The following KAZN variants were observed in gnomAD, a reference collection of about 807,000 sequenced individuals.
KAZN encodes kazrin.
A neutral mutation model predicts 87.4 loss-of-function variants in KAZN; 40 were observed. The ratio of observed to expected loss-of-function variants is 0.46; its 90% CI spans 0.36 to 0.60. The LOEUF is 0.60. KAZN is among the 20% of genes least tolerant of loss of function. KAZN has a pLI of 0.00. For missense variants in KAZN, 898 were observed against 1,073.9 expected (o/e 0.84, Z 2.29); for synonymous variants, 466 against 458.3 (o/e 1.02, Z -0.22).
intron 1 of KAZN, among the ~76,000 whole-genome samples, chr1:13,932,291 C>T (rs1490114437): frequency 2.2e-5 from 3 of 135,746 alleles, no homozygotes; most frequent in Non-Finnish European, 4.6e-5. Flanking sequence ...GACGGAGTCT[C>T]GCTCTGTCGC....
chr1:14,459,044 C>T (rs1667715786), intron 2 of KAZN, among the ~76,000 whole-genome samples: 1 of 152,130 alleles, frequency 6.6e-6, no homozygotes, highest in Non-Finnish European at 1.5e-5. Flanking sequence ...CCGTTACTTG[C>T]TTCCTGCCTG....
chr1:14,149,010 C>T (rs1350256918), intron 1 of KAZN, among the ~76,000 whole-genome samples: 3 of 151,306 alleles, frequency 2.0e-5, no homozygotes, highest in Non-Finnish European at 2.9e-5. Context: ...AGGTGGAGAT[C>T]GGAGCCAGTG....
At chr1:14,055,108 T>C (rs1642495430) in intron 1 of KAZN, among the ~76,000 whole-genome samples, 1 of 152,218 alleles carries the variant, frequency 6.6e-6, no homozygotes, top group South Asian at 2.1e-4. Context: ...AGGAGACCTG[T>C]CTTTGGTTAA....
rs537198946 is a variant in KAZN at position 14,500,975 on chromosome 1, G to A, written c.250-98008G>A. Among the ~76,000 whole-genome samples, 4 of 151,872 alleles carry A rather than the reference G, an allele frequency of 2.6e-5. No homozygotes were observed. In the East Asian group the frequency reaches 7.7e-4, roughly 29 times the overall value. ...TTTTAAAAAGTTCCCACAAAGAAAAGCCCAGGCCCAAATGGATTCACTGGT... is the reference window on the plus strand; with the variant it reads ...TTTTAAAAAGTTCCCACAAAGAAAAACCCAGGCCCAAATGGATTCACTGGT... On this transcript the variant is annotated intron_variant, in intron 2 of 16. Transcript: ENST00000636203.
At chr1:14,046,683 A>G (rs4662091) in intron 1 of KAZN, among the ~76,000 whole-genome samples, 120,276 of 152,102 alleles carry the variant, frequency 0.79, 48,048 homozygotes, top group African/African-American at 0.9. Context: ...GGATGGAGGC[A>G]TACAGTGTCC....
chr1:14,874,663 T>A (rs1652559766), intron 1 of KAZN, among the ~76,000 whole-genome samples: 1 of 152,166 alleles, frequency 6.6e-6, no homozygotes, highest in Non-Finnish European at 1.5e-5. Context: ...TCAAAACCAA[T>A]CTCCTTCTCC....
At chr1:14,921,514 A>C (rs1658521477) in intron 1 of KAZN, among the ~76,000 whole-genome samples, 1 of 152,250 alleles carries the variant, frequency 6.6e-6, no homozygotes. Context: ...AACAAACAAA[A>C]AAAAGTAGAA....
chr1:13,912,934 T>A lies in KAZN; in HGVS notation c.91+19178T>A, dbSNP rs139510008. On this transcript the variant is annotated intron_variant, in intron 1 of 16. Transcript: ENST00000636203. ...TATAGTTCATGCAAGATTTACCTGC[T>A]GGCTGTGTAGCATAAATAAACCAAA... is the stretch of plus-strand genomic sequence containing the variant. 5.4e-3 allele frequency among the ~76,000 whole-genome samples: 821 copies of A among 152,304 alleles called. 8 individuals are homozygous for A. Among genetic ancestry groups the A allele is most frequent in the African/African-American group, 0.019 (788 of 41,562 alleles).
intron 1 of KAZN, among the ~76,000 whole-genome samples, chr1:14,724,680 C>T (rs1234919465): frequency 6.6e-6 from 1 of 152,204 alleles, no homozygotes; most frequent in Non-Finnish European, 1.5e-5. Context: ...CTGAAATGTT[C>T]CATTAAAACT....
chr1:14,691,611 C>G (rs1477426247), intron 1 of KAZN, among the ~76,000 whole-genome samples: 1 of 152,116 alleles, frequency 6.6e-6, no homozygotes, highest in Admixed American at 6.5e-5. Flanking sequence ...CTCAGCCTCC[C>G]GAGTAGCTGG....
At chr1:14,680,644 G>A (rs1234095491) in intron 1 of KAZN, among the ~76,000 whole-genome samples, 2 of 151,954 alleles carry the variant, frequency 1.3e-5, no homozygotes, top group Non-Finnish European at 2.9e-5. Flanking sequence ...CCCGGTGTGT[G>A]ATGTTCCCCT....
At chr1:14,274,084 A>C (rs1270516672) in intron 2 of KAZN, among the ~76,000 whole-genome samples, 1 of 152,186 alleles carries the variant, frequency 6.6e-6, no homozygotes, top group Non-Finnish European at 1.5e-5. Flanking sequence ...TGCAGCACCC[A>C]CTACGGTTCC....
intron 2 of KAZN, among the ~76,000 whole-genome samples, chr1:14,506,395 A>G (rs187277877): frequency 6.6e-6 from 1 of 152,320 alleles, no homozygotes; most frequent in Non-Finnish European, 1.5e-5. Context: ...TATACATCAC[A>G]TGCCATGATC....
intron 4 of KAZN, among the ~76,000 whole-genome samples, chr1:15,054,824 C>A (rs773435863): frequency 7.2e-4 from 110 of 152,372 alleles, no homozygotes; most frequent in African/African-American, 2.5e-3. Context: ...GAAAGGAAGA[C>A]CTGTGTGGCC....
intron 2 of KAZN, among the ~76,000 whole-genome samples, chr1:14,224,013 C>T (rs1057146096): frequency 6.6e-5 from 10 of 152,174 alleles, no homozygotes; most frequent in Admixed American, 2.0e-4. Context: ...GCACTAGCTT[C>T]CTAAAATAAG....
intron 5 of KAZN, among the ~76,000 whole-genome samples, chr1:15,057,275 T>C (rs1474021437): frequency 6.6e-6 from 1 of 152,248 alleles, no homozygotes; most frequent in Non-Finnish European, 1.5e-5. Context: ...GTCCTCAGTT[T>C]CCTCATGTGT....
At chr1:14,258,048 C>T (rs1650688743) in intron 2 of KAZN, among the ~76,000 whole-genome samples, 1 of 147,684 alleles carries the variant, frequency 6.8e-6, no homozygotes, top group African/African-American at 2.5e-5. Context: ...GAAGCTCAGG[C>T]ATTTATATGA....
chr1:13,917,361 T>C (rs1295324568), intron 1 of KAZN, among the ~76,000 whole-genome samples: 3 of 152,162 alleles, frequency 2.0e-5, no homozygotes. Flanking sequence ...AGGACTTACA[T>C]AGCTAGAGAG....
chr1:14,392,933 G>A (rs1662579568), intron 2 of KAZN, among the ~76,000 whole-genome samples: 1 of 152,092 alleles, frequency 6.6e-6, no homozygotes, highest in African/African-American at 2.4e-5. Flanking sequence ...GGAGGGGAGG[G>A]TATTGTTTGC....
Sources: allele counts gnomAD v4.1 joint callset (sites outside exome capture counted in the v4.1 genomes callset), GRCh38; gene constraint gnomAD v4.1.1; transcripts MANE v1.5; gene names NCBI Gene and HGNC (gene_info 2026-07-23, HGNC 2026-07-21).